The following LARP1 variants were observed in gnomAD, a reference collection of about 807,000 sequenced individuals.
LARP1 encodes La ribonucleoprotein 1, translational regulator.
In LARP1, 36 loss-of-function variants were observed where a neutral mutation model predicts 122.7. The ratio of observed to expected loss-of-function variants is 0.29; its 90% CI spans 0.22 to 0.39. The LOEUF is 0.39. Ranked by LOEUF, LARP1 falls within the 10% of genes least tolerant of loss-of-function variation. The probability of loss-of-function intolerance (pLI) is 1.00; values close to 1 mark genes in which losing one functional copy is unlikely to be tolerated. For synonymous variants in LARP1, 539 were observed against 528.7 expected (o/e 1.02, Z -0.27); for missense variants, 1,040 against 1,403.6 (o/e 0.74, Z 4.14).
chr5:154,728,713 C>T (rs908920839), intron 1 of LARP1, among the ~76,000 whole-genome samples: 7 of 151,894 alleles, frequency 4.6e-5, no homozygotes, highest in Non-Finnish European at 1.0e-4. Flanking sequence ...ATTAGAGTAA[C>T]GGGATTGACT....
At chr5:154,715,791 C>T (rs1165443229) in intron 1 of LARP1, among the ~76,000 whole-genome samples, 1 of 152,148 alleles carries the variant, frequency 6.6e-6, no homozygotes, top group Non-Finnish European at 1.5e-5. Flanking sequence ...GGGAATTCCT[C>T]CAATTAGGAA....
At chr5:154,683,408 C>T (rs551066264) in intron 1 of LARP1, among the ~76,000 whole-genome samples, 60 of 152,314 alleles carry the variant, frequency 3.9e-4, no homozygotes, top group African/African-American at 1.3e-3. Flanking sequence ...TCACTCATTT[C>T]TTGGAAAATC....
Position 154,756,032 on chromosome 5 carries a change from G to A in LARP1, c.275G>A (p.Gly92Glu). Residue 92 changes from glycine (G) to glutamate (E), a missense_variant, in exon 1 of 19, where the codon GGG becomes GAG. Gly to Glu is a moderately conservative substitution (Grantham distance 98). This residue lies in a region of LARP1 where 257 missense variants were observed against 273.3 expected (regional missense o/e 0.94). Transcript: ENST00000518297. ...GCCGAAGGCCCGGCCATCAGCGACG[G>A]GGAGGAGGGCGGCGGCGAGCCAGGC... ...PGAEGPAISDGEEGGGEPGAG... is the reference protein window; with the variant it reads ...PGAEGPAISDEEEGGGEPGAG... 9.5e-7 allele frequency: 1 copy of A among 1,050,204 alleles called. No individual in the cohort carries two copies. Among genetic ancestry groups the A allele is most frequent in the South Asian group, 2.8e-5 (1 of 35,296 alleles). The allele number at this position is 1,050,204 out of a possible 1,614,324, so 65.1% of individuals were successfully genotyped here.
chr5:154,804,313 T>TG lies in LARP1; in HGVS notation c.2546+10dup. On this transcript the variant is annotated splice_region_variant and intron_variant, in intron 14 of 18. Transcript: ENST00000518297. ...CCCCGTACTGCTTCCATCAGGTACC[T>TG]GGGGCAGTGGGGGAAGAGTGATCAG... is the stretch of plus-strand genomic sequence containing the variant. 1 of 1,603,612 alleles carries TG rather than the reference T, an allele frequency of 6.2e-7. No homozygotes were observed. The highest frequency in any genetic ancestry group is 1.7e-5 in the Admixed American group (1 of 59,966).
intron 3 of LARP1, chr5:154,791,961 CT>C (rs1189502737): frequency 2.2e-6 from 1 of 456,120 alleles, no homozygotes; most frequent in South Asian, 1.5e-5. Context: ...GCTGCTGAGA[CT>C]TGCAGAGGTT....
At chr5:154,691,285 T>A (rs1263583222) in intron 1 of LARP1, among the ~76,000 whole-genome samples, 4 of 137,952 alleles carry the variant, frequency 2.9e-5, no homozygotes, top group Admixed American at 7.0e-5. Flanking sequence ...AGAAAGAAAG[T>A]ATCAGACTTG....
At chr5:154,745,313 A>G (rs542024766) in intron 1 of LARP1, among the ~76,000 whole-genome samples, 127 of 152,332 alleles carry the variant, frequency 8.3e-4, no homozygotes, top group Admixed American at 2.2e-3. Context: ...TCTGAGCCTC[A>G]GTGTCCTCAT....
At chr5:154,712,540 A>G (rs1262481666), upstream of LARP1, among the ~76,000 whole-genome samples, 1 of 152,200 alleles carries the variant, frequency 6.6e-6, no homozygotes, top group Admixed American at 6.5e-5. Context: ...GAGATCATGT[A>G]GTCTGAACCG....
intron 1 of LARP1, among the ~76,000 whole-genome samples, chr5:154,759,612 C>A (rs1374810119): frequency 6.6e-6 from 1 of 152,288 alleles, no homozygotes; most frequent in East Asian, 1.9e-4. Flanking sequence ...GCCAGCCTAA[C>A]TGGACTGAAA....
chr5:154,769,541 A>T (rs944415461), intron 1 of LARP1, among the ~76,000 whole-genome samples: 1 of 152,236 alleles, frequency 6.6e-6, no homozygotes, highest in Admixed American at 6.5e-5. Flanking sequence ...AGTGAGTGTG[A>T]TGGAGAGATA....
chr5:154,790,846 T>A (rs1757283445), intron 3 of LARP1, 136 bp downstream of exon 3: 1 of 813,206 alleles, frequency 1.2e-6, no homozygotes, highest in Admixed American at 2.4e-5. Context: ...CAACAGAGTT[T>A]CACTCTTTTT....
Position 154,806,015 on chromosome 5 carries a change from G to T in LARP1, c.2681G>T (p.Arg894Leu). Residue 894 changes from arginine to leucine, a missense_variant, in exon 15 of 19, where the codon CGT becomes CTT. Physicochemically the swap from Arg to Leu is moderately radical, Grantham distance 102. Around this residue, in one of 8 missense-constraint regions of LARP1, gnomAD observed 59 missense variants for 137.2 expected, o/e 0.43. Transcript: ENST00000518297. The part of the protein sequence containing the change: ...GFTQHVYHKY[R>L]RRCLNERKRL... ...ACACAACACGTCTACCATAAGTATC[G>T]TAGGCGCTGCCTTAATGGTAAGAAG... 6.2e-7 allele frequency: 1 copy of T among 1,614,076 alleles called. No individual in the cohort carries two copies. The highest frequency in any genetic ancestry group is 8.5e-7 in the Non-Finnish European group (1 of 1,180,012).
chr5:154,811,736 C>T lies in LARP1; in HGVS notation c.3081+96C>T, dbSNP rs898126400. 4.8e-6 allele frequency: 7 copies of T among 1,446,942 alleles called. No individual in the cohort carries two copies. In the African/African-American group the frequency reaches 9.9e-5, roughly 20 times the overall value. 89.6% of individuals were successfully genotyped at this position (1,446,942 alleles called of 1,614,324 possible). On this transcript the variant is annotated intron_variant, in intron 18 of 18. Transcript: ENST00000518297. The stretch of plus-strand genomic sequence containing the variant: ...ATTCTGGTCCAGCTGTGCCCCTAGC[C>T]CAGGAACCCCTCTCCCTGCTCCCCA...
At chr5:154,807,099 T>C (rs919017825) in intron 15 of LARP1, among the ~76,000 whole-genome samples, 1 of 152,268 alleles carries the variant, frequency 6.6e-6, no homozygotes, top group Non-Finnish European at 1.5e-5. Flanking sequence ...GTTACTGGCC[T>C]CTTCCCCTTA....
intron 1 of LARP1, among the ~76,000 whole-genome samples, chr5:154,696,406 A>G (rs984068417): frequency 7.2e-5 from 11 of 152,224 alleles, no homozygotes; most frequent in Non-Finnish European, 1.5e-4. Flanking sequence ...GCTCATTGAA[A>G]GAATGAAGAC....
At chr5:154,746,451 G>A (rs529839524) in intron 1 of LARP1, among the ~76,000 whole-genome samples, 1 of 152,294 alleles carries the variant, frequency 6.6e-6, no homozygotes, top group African/African-American at 2.4e-5. Flanking sequence ...CTTAAACATG[G>A]TTACCTGAGT....
intron 1 of LARP1, among the ~76,000 whole-genome samples, chr5:154,777,390 G>A (rs532502609): frequency 1.3e-5 from 2 of 151,922 alleles, no homozygotes; most frequent in African/African-American, 4.8e-5. Flanking sequence ...GCATGGTGAC[G>A]GACACCTGTA....
chr5:154,815,674 G>C lies in LARP1; in HGVS notation c.*1578G>C, dbSNP rs1277299390. ...AAGGGATGAGGAGGAGTTGGGGGCT[G>C]GGGGGAATCCTGCCAGTTGGTGAAG... On this transcript the variant is annotated 3_prime_UTR_variant, in exon 19 of 19. Coordinates refer to ENST00000518297, the MANE Select transcript of LARP1 (RefSeq NM_033551.3). 1 of 152,678 alleles carries C rather than the reference G, an allele frequency of 6.5e-6. No homozygotes were observed. Among genetic ancestry groups the C allele is most frequent in the Non-Finnish European group, 1.5e-5 (1 of 68,434 alleles). The allele number at this position is 152,678 out of a possible 1,614,324, so 9.5% of individuals were successfully genotyped here. A position where few individuals can be genotyped will look rare whatever the true frequency, so the allele number is the denominator to read the frequency against.
In LARP1 at chr5:154,691,384, C is replaced by T. The variant is rs180766553; in HGVS notation, c.-180+8347C>T. Among the ~76,000 whole-genome samples, 468 of 152,356 alleles carry T rather than the reference C, an allele frequency of 3.1e-3. 3 individuals carry two copies. Among genetic ancestry groups the T allele is most frequent in the Non-Finnish European group, 2.2e-3 (151 of 68,030 alleles). The stretch of plus-strand genomic sequence containing the variant: ...GGCCAGTCGCTTCCCCTCTCTGGGC[C>T]GCGGAGGTTAAAACTGGCCCTTTCC... On this transcript the variant is annotated intron_variant, in intron 1 of 18. Transcript: ENST00000687700.
Sources: gnomAD v4.1 joint callset for allele counts (sites outside exome capture counted in the v4.1 genomes callset) on GRCh38, gnomAD v4.1.1 for gene constraint, gnomAD v4.1.1 regional missense constraint, MANE v1.5 for transcripts, NCBI Gene and HGNC (gene_info 2026-07-23, HGNC 2026-07-21) for gene names.